The following NCKAP1L variants were observed in gnomAD, a reference collection of about 807,000 sequenced individuals.
The protein encoded by NCKAP1L is NCK associated protein 1 like.
NCKAP1L carries 53 observed loss-of-function variants against 139.2 expected under a neutral mutation model. That is an observed-to-expected ratio of 0.38 (90% CI 0.31 to 0.48). The LOEUF (loss-of-function observed/expected upper bound fraction) is 0.48. Among genes scored for constraint, NCKAP1L ranks in the 20% least tolerant of loss-of-function variants. NCKAP1L has a pLI of 0.98. For synonymous variants in NCKAP1L, 468 were observed against 499.7 expected, an observed-to-expected ratio of 0.94 and a Z score of 0.85; for missense variants, 1,151 against 1,381.9, an observed-to-expected ratio of 0.83 and a Z score of 2.65.
chr12:54,527,749 C>T (rs1957038066), intron 21 of NCKAP1L, among the ~76,000 whole-genome samples: 3 of 152,222 alleles, frequency 2.0e-5, no homozygotes, highest in African/African-American at 7.2e-5. Context: ...AAGCCCTCCT[C>T]TACCCACATT....
chr12:54,505,422 T>A (rs1294717910), intron 3 of NCKAP1L, among the ~76,000 whole-genome samples: 1 of 146,110 alleles, frequency 6.8e-6, no homozygotes, highest in African/African-American at 2.5e-5. Flanking sequence ...AATATTTCCA[T>A]CACCCCAAGG....
At chr12:54,515,184 T>C (rs1376250405) in intron 9 of NCKAP1L, among the ~76,000 whole-genome samples, 1 of 152,236 alleles carries the variant, frequency 6.6e-6, no homozygotes, top group Non-Finnish European at 1.5e-5. Context: ...ATTAAAATAA[T>C]TATCCAATAG....
intron 22 of NCKAP1L, among the ~76,000 whole-genome samples, chr12:54,530,814 C>G (rs1405662109): frequency 6.6e-6 from 1 of 152,284 alleles, no homozygotes; most frequent in South Asian, 2.1e-4. Flanking sequence ...TATAATGTAT[C>G]TTATTTACTC....
At chr12:54,502,491 C>T (rs1020208309) in intron 3 of NCKAP1L, among the ~76,000 whole-genome samples, 6 of 151,984 alleles carry the variant, frequency 3.9e-5, no homozygotes, top group Non-Finnish European at 8.8e-5. Flanking sequence ...TAGTATTTTG[C>T]CACATTTTCT....
intron 3 of NCKAP1L, among the ~76,000 whole-genome samples, chr12:54,505,004 G>A (rs1448892086): frequency 2.0e-5 from 3 of 152,150 alleles, no homozygotes; most frequent in Admixed American, 2.0e-4. Context: ...GGCATTCCTA[G>A]CAAATGAGGA....
chr12:54,515,063 A>T (rs1373154890), intron 9 of NCKAP1L, among the ~76,000 whole-genome samples: 1 of 152,184 alleles, frequency 6.6e-6, no homozygotes, highest in Non-Finnish European at 1.5e-5. Context: ...TTTTTTATAA[A>T]TGAGAAAATG....
At chr12:54,534,774 T>C (rs2120967217) in intron 26 of NCKAP1L, among the ~76,000 whole-genome samples, 1 of 152,264 alleles carries the variant, frequency 6.6e-6, no homozygotes, top group African/African-American at 2.4e-5. Flanking sequence ...CAAAGGGTTA[T>C]TTTCCCTGTA....
chr12:54,517,528 C>T lies in NCKAP1L; in HGVS notation c.1096-5C>T, dbSNP rs1956943264. 1.2e-6 allele frequency: 2 copies of T among 1,605,794 alleles called. No homozygotes were observed. Among genetic ancestry groups the T allele is most frequent in the African/African-American group, 1.3e-5 (1 of 74,740 alleles). On this transcript the variant is annotated splice_polypyrimidine_tract_variant and splice_region_variant and intron_variant, in intron 11 of 30. Transcript: ENST00000293373. ...AAATTCTAATAGTCTCTACCCCCTCCATAGGCTCTTTTTGCTTTCATGGCC... is the reference window on the plus strand; with the variant it reads ...AAATTCTAATAGTCTCTACCCCCTCTATAGGCTCTTTTTGCTTTCATGGCC...
chr12:54,527,118 AC>A (rs1957032828), intron 21 of NCKAP1L, among the ~76,000 whole-genome samples: 1 of 151,960 alleles, frequency 6.6e-6, no homozygotes, highest in Admixed American at 6.6e-5. Context: ...CCTTCTGAAA[AC>A]CATCTGCCTA....
chr12:54,512,271 G>T, intron 9 of NCKAP1L, 166 bp downstream of exon 9: 3 of 636,224 alleles, frequency 4.7e-6, no homozygotes, highest in Non-Finnish European at 7.8e-6. Context: ...GCTTCACTGG[G>T]TTTTAGGGAC....
intron 29 of NCKAP1L, among the ~76,000 whole-genome samples, chr12:54,537,373 A>C (rs1422931323): frequency 6.6e-6 from 1 of 152,194 alleles, no homozygotes; most frequent in Non-Finnish European, 1.5e-5. Context: ...CGGTATTTTC[A>C]TATATAAAAC....
rs544458556 is a variant in NCKAP1L at position 54,544,628 on chromosome 12, G to A, written c.*1943G>A. On this transcript the variant is annotated 3_prime_UTR_variant, in exon 31 of 31. Transcript: ENST00000293373. Reference sequence around the variant, plus strand: ...GTTTTGCTTATGTTCATTTCTCTCTGTGTGTGCACGTGTGTGTGTTATCTA... The same window carrying A: ...GTTTTGCTTATGTTCATTTCTCTCTATGTGTGCACGTGTGTGTGTTATCTA... The A allele has an allele frequency of 3.9e-5, 6 of 152,160 alleles. No homozygotes were observed. The highest frequency in any genetic ancestry group is 1.4e-4 in the African/African-American group (6 of 41,474). 9.4% of individuals were successfully genotyped at this position (152,160 alleles called of 1,614,324 possible). A position where few individuals can be genotyped will look rare whatever the true frequency, so the allele number is the denominator to read the frequency against.
intron 24 of NCKAP1L, 42 bp downstream of exon 24, chr12:54,531,626 T>A (rs1401091151): frequency 6.2e-7 from 1 of 1,609,124 alleles, no homozygotes; most frequent in Non-Finnish European, 8.5e-7. Flanking sequence ...AGCTGTGGAA[T>A]CACATTGCAG....
chr12:54,531,857 TCA>T (rs1171458059), intron 25 of NCKAP1L, 32 bp downstream of exon 25: 1 of 1,503,978 alleles, frequency 6.6e-7, no homozygotes, highest in Non-Finnish European at 9.2e-7. Context: ...TGTCACAGAG[TCA>T]CAGATACCTC....
intron 21 of NCKAP1L, among the ~76,000 whole-genome samples, chr12:54,527,591 G>A (rs919004921): frequency 6.6e-6 from 1 of 152,136 alleles, no homozygotes; most frequent in African/African-American, 2.4e-5. Context: ...GCCAGAGAAG[G>A]TGATTCAGCC....
rs1592350973 is a variant in NCKAP1L, at chr12:54,531,738, C to T, written c.2699-5C>T. 2 of 1,610,916 alleles carry T rather than the reference C, an allele frequency of 1.2e-6. No homozygotes were observed. The highest frequency in any genetic ancestry group is 1.1e-5 in the South Asian group (1 of 91,056). ...ATCTTTTCTAACACGCTTCTTTCTC[C>T]TCAGGGGCTGAAAATGTGCTAAAGC... On this transcript the variant is annotated splice_polypyrimidine_tract_variant and splice_region_variant and intron_variant, in intron 24 of 30. Transcript: ENST00000293373.
intron 1 of NCKAP1L, chr12:54,498,958 C>T (rs1565670374): frequency 6.2e-6 from 1 of 160,434 alleles, no homozygotes; most frequent in South Asian, 3.1e-4. Context: ...CGGAGTCTCG[C>T]TCTGTCGCCC....
At chr12:54,515,332 T>C (rs761064783) in intron 9 of NCKAP1L, among the ~76,000 whole-genome samples, 8 of 152,152 alleles carry the variant, frequency 5.3e-5, no homozygotes, top group Non-Finnish European at 1.0e-4. Flanking sequence ...GTGGTGGCAA[T>C]AGTGATACAG....
chr12:54,537,323 G>A (rs903069914), intron 29 of NCKAP1L, among the ~76,000 whole-genome samples: 7 of 152,198 alleles, frequency 4.6e-5, no homozygotes, highest in Admixed American at 6.5e-5. Flanking sequence ...CTGCCATTAA[G>A]TAGTTGTGTG....
Sources: allele counts gnomAD v4.1 joint callset (sites outside exome capture counted in the v4.1 genomes callset), GRCh38; gene constraint gnomAD v4.1.1; transcripts MANE v1.5; gene names NCBI Gene and HGNC (gene_info 2026-07-23, HGNC 2026-07-21).